AKR7A3: variants seen among roughly 807,000 people sequenced by gnomAD.
AKR7A3 encodes AFB1 aldehyde reductase 2.
Under a neutral mutation model 32.5 loss-of-function variants are expected in AKR7A3, and 37 were observed. The observed-to-expected ratio is 1.14, with a 90% CI of 0.88 to 1.50. AKR7A3 has a LOEUF of 1.50. Ranked by LOEUF, AKR7A3 falls within the 40% of genes most tolerant of loss-of-function variation. The pLI is 0.00. For synonymous variants in AKR7A3, 177 were observed against 188.4 expected (o/e 0.94, Z 0.50); for missense variants, 412 against 453.2 (o/e 0.91, Z 0.83).
At chr1:19,285,218 C>T (rs1161205855) in intron 3 of AKR7A3, 104 bp from the exon 4 acceptor site, 95 of 1,084,340 alleles carry the variant, frequency 8.8e-5, no homozygotes, top group Admixed American at 2.3e-4. Flanking sequence ...AATTCTAGGA[C>T]TTTAACCGTC....
downstream of AKR7A3, among the ~76,000 whole-genome samples, chr1:19,281,556 A>T (rs1288115495): frequency 1.3e-5 from 2 of 151,550 alleles, no homozygotes; most frequent in Admixed American, 1.3e-4. Context: ...AATCACTTGA[A>T]CCCAGGAGGT....
At position 19,288,480 on chromosome 1, in the gene AKR7A3, C is replaced by T. The variant is rs1464797532; in HGVS notation, c.214+16G>A. ...GCTCTGCACCGTGCAGGGGGAGGATCAGGGGCCACTGTTACCTCTGCAGTC... is the reference window on the plus strand; with the variant it reads ...GCTCTGCACCGTGCAGGGGGAGGATTAGGGGCCACTGTTACCTCTGCAGTC... On this transcript the variant is annotated intron_variant, in intron 1 of 6. Coordinates refer to ENST00000361640, the MANE Select transcript of AKR7A3 (RefSeq NM_012067.3). 1.4e-5 allele frequency: 23 copies of T among 1,609,540 alleles called. No individual in the cohort carries two copies. Among genetic ancestry groups the T allele is most frequent in the Non-Finnish European group, 2.0e-5 (23 of 1,178,994 alleles).
downstream of AKR7A3, among the ~76,000 whole-genome samples, chr1:19,278,261 T>C (rs1300946799): frequency 6.6e-6 from 1 of 151,680 alleles, no homozygotes; most frequent in Non-Finnish European, 1.5e-5. Context: ...TTTTGTTTTT[T>C]AAAAACAACT....
chr1:19,276,153 G>T, the AKR7A3 span, among the ~76,000 whole-genome samples: 1 of 151,320 alleles, frequency 6.6e-6, no homozygotes, highest in Admixed American at 6.6e-5. Flanking sequence ...ACGAGGTCAG[G>T]AGTTCAAGAT....
At chr1:19,274,419 G>C in the AKR7A3 span, among the ~76,000 whole-genome samples, 2 of 151,826 alleles carry the variant, frequency 1.3e-5, no homozygotes, top group African/African-American at 4.9e-5. Context: ...CTGCCCCGTC[G>C]TCCCCCATCC....
downstream of AKR7A3, among the ~76,000 whole-genome samples, chr1:19,281,389 G>A: frequency 6.6e-6 from 1 of 151,858 alleles, no homozygotes; most frequent in Non-Finnish European, 1.5e-5. Context: ...TGTAATCCCA[G>A]CATTCGAGGC....
rs758090044 is a variant in AKR7A3, at chr1:19,282,901, G to A, written c.835-9C>T. 2 of 1,608,656 alleles carry A rather than the reference G, an allele frequency of 1.2e-6. No individual in the cohort carries two copies. The highest frequency in any genetic ancestry group is 1.4e-5 in the African/African-American group (1 of 73,926). On this transcript the variant is annotated splice_polypyrimidine_tract_variant and intron_variant, in intron 6 of 6. Transcript: ENST00000361640. The stretch of plus-strand genomic sequence containing the variant: ...GCGTCCCCGTGGGCACCCTGCAAGG[G>A]AGACGGCCAGACTTCAACCCTCTTC...
downstream of AKR7A3, among the ~76,000 whole-genome samples, chr1:19,281,913 A>C (rs964058775): frequency 3.9e-5 from 6 of 152,006 alleles, no homozygotes; most frequent in South Asian, 2.1e-4. Flanking sequence ...TTGCAATGGG[A>C]ATCTTACCCA....
At chr1:19,275,359 C>T in the AKR7A3 span, among the ~76,000 whole-genome samples, 3 of 150,770 alleles carry the variant, frequency 2.0e-5, no homozygotes, top group Non-Finnish European at 4.4e-5. Context: ...TGCAGTGAGC[C>T]AAGATCGCAC....
chr1:19,278,803 T>G (rs899121484), downstream of AKR7A3, among the ~76,000 whole-genome samples: 14 of 151,854 alleles, frequency 9.2e-5, 1 homozygote, highest in African/African-American at 2.7e-4. Context: ...AGGCAAGCAC[T>G]CATCTACTTT....
rs768403934 is a variant in AKR7A3, at chr1:19,284,707, C to T, written c.683G>A (p.Trp228Ter). 9.9e-6 allele frequency: 16 copies of T among 1,613,770 alleles called. No individual in the cohort carries two copies. The Admixed American group carries it at 2.7e-4, about 27-fold the overall frequency. The change falls in exon 5 of 7, where the codon TGG becomes TAG. Residue 228 changes from tryptophan to a stop codon, truncating the protein, a stop_gained. Transcript: ENST00000361640. LOFTEE classifies it high-confidence loss of function. ...TTACCGATTCCTGTACATCTCTGCC[C>T]AGGTATTCCCAAAGAAGCGGCCCAC... ...QPVGRFFGNT[W>*]AEMYRNRYWK...
chr1:19,284,411 C>T (rs1331749410), intron 5 of AKR7A3, among the ~76,000 whole-genome samples: 1 of 151,930 alleles, frequency 6.6e-6, no homozygotes, highest in Non-Finnish European at 1.5e-5. Context: ...CCCAGGCCTC[C>T]TGGACCTCCC....
the AKR7A3 span, among the ~76,000 whole-genome samples, chr1:19,276,762 A>C: frequency 6.6e-6 from 1 of 151,826 alleles, no homozygotes; most frequent in Non-Finnish European, 1.5e-5. Context: ...AGATCATGCC[A>C]CTGCATTCCA....
At chr1:19,287,494 C>T (rs559186708) in intron 1 of AKR7A3, among the ~76,000 whole-genome samples, 4 of 151,766 alleles carry the variant, frequency 2.6e-5, no homozygotes, top group Admixed American at 6.5e-5. Flanking sequence ...GGTGCTAATA[C>T]TAAGAACAAA....
downstream of AKR7A3, chr1:19,282,484 G>T (rs1043430968): frequency 1.5e-5 from 9 of 615,994 alleles, no homozygotes; most frequent in Middle Eastern, 4.8e-4. Flanking sequence ...ACTGCAGAGT[G>T]GTGAGCCAAA....
In AKR7A3 at chr1:19,285,941, C is replaced by T. The variant is rs141306786; in HGVS notation, c.454G>A (p.Glu152Lys). ...LSNYAAWEVA[E>K]ICTLCKSNGW... is the part of the protein sequence containing the mutation. ...TTGCTCTTGCAGAGGGTACAGATCT[C>T]GGCCACTTCCCAGGCTGCATAGTTG... The change falls in exon 3 of 7, where the codon GAG becomes AAG. Residue 152 changes from glutamate to lysine, a missense_variant. Glu to Lys is a moderately conservative substitution (Grantham distance 56). Transcript: ENST00000361640. 6.4e-5 allele frequency: 104 copies of T among 1,613,540 alleles called. No individual in the cohort carries two copies. Among genetic ancestry groups the T allele is most frequent in the Admixed American group, 1.5e-4 (9 of 59,990 alleles).
At chr1:19,278,888 T>A, downstream of AKR7A3, among the ~76,000 whole-genome samples, 1 of 152,062 alleles carries the variant, frequency 6.6e-6, no homozygotes, top group East Asian at 1.9e-4. Flanking sequence ...CCTTTTGCAA[T>A]TGGCGTCTTT....
chr1:19,283,081 G>A (rs2093721796), intron 6 of AKR7A3, among the ~76,000 whole-genome samples, 189 bp from the exon 7 acceptor site: 1 of 147,586 alleles, frequency 6.8e-6, no homozygotes, highest in South Asian at 2.2e-4. Context: ...ACTGCCACAC[G>A]ACGCTTCCAG....
chr1:19,283,565 C>T (rs538285368), intron 6 of AKR7A3, among the ~76,000 whole-genome samples: 1 of 152,186 alleles, frequency 6.6e-6, no homozygotes, highest in Admixed American at 6.5e-5. Context: ...CGCAGGGGCT[C>T]ACGCCTATAA....
Sources: gnomAD v4.1 joint callset for allele counts (sites outside exome capture counted in the v4.1 genomes callset) on GRCh38, gnomAD v4.1.1 for gene constraint, MANE v1.5 for transcripts, NCBI Gene and HGNC (gene_info 2026-07-23, HGNC 2026-07-21) for gene names.